TEAD2: variants seen among roughly 807,000 people sequenced by gnomAD.
The protein encoded by TEAD2 is TEA domain transcription factor 2.
A neutral mutation model predicts 61.4 loss-of-function variants in TEAD2; 51 were observed. That is an observed-to-expected ratio of 0.83 (90% CI 0.66 to 1.05). The LOEUF (loss-of-function observed/expected upper bound fraction) is 1.05, where lower values mean the gene tolerates loss of function less well. Ranked by LOEUF, TEAD2 falls within the 50% of genes least tolerant of loss-of-function variation. TEAD2 has a pLI of 0.00. For missense variants in TEAD2, 509 were observed against 600.0 expected (o/e 0.85, Z 1.58); for synonymous variants, 244 against 243.2 (o/e 1.00, Z -0.03).
rs747825800 is a variant in TEAD2 at position 49,343,407 on chromosome 19, T to C, written c.922-9A>G. On this transcript the variant is annotated splice_polypyrimidine_tract_variant and intron_variant, in intron 10 of 12. Transcript: ENST00000593945. ...CCCCAGTTCAGGTCCGCCTGGGAGATGGGAAGGCACAGATGAGTCAGAGGG... is the reference window on the plus strand; with the variant it reads ...CCCCAGTTCAGGTCCGCCTGGGAGACGGGAAGGCACAGATGAGTCAGAGGG... The C allele has an allele frequency of 3.8e-6, 6 of 1,599,722 alleles. No homozygotes were observed. The East Asian group carries it at 1.1e-4, about 30-fold the overall frequency.
chr19:49,358,714 C>T (rs551924782), intron 3 of TEAD2, among the ~76,000 whole-genome samples: 1 of 150,984 alleles, frequency 6.6e-6, no homozygotes, highest in South Asian at 2.1e-4. Flanking sequence ...CTCACTGCAA[C>T]CTCCGCCTCC....
At chr19:49,358,334 G>A (rs1398940667) in intron 3 of TEAD2, among the ~76,000 whole-genome samples, 1 of 152,230 alleles carries the variant, frequency 6.6e-6, no homozygotes, top group African/African-American at 2.4e-5. Flanking sequence ...AGAATCGCTT[G>A]AACCCGGAAG....
chr19:49,344,374 G>A (rs1383805810), intron 10 of TEAD2, among the ~76,000 whole-genome samples: 5 of 151,756 alleles, frequency 3.3e-5, no homozygotes, highest in Admixed American at 6.6e-5. Flanking sequence ...TCTGCCTCCC[G>A]GGTTCAAGCG....
intron 7 of TEAD2, among the ~76,000 whole-genome samples, chr19:49,353,129 C>T (rs941847804): frequency 6.6e-6 from 1 of 151,408 alleles, no homozygotes; most frequent in East Asian, 1.9e-4. Context: ...GATAGAGTCT[C>T]GCTCTGTTGC....
chr19:49,344,929 C>T (rs1045113147), intron 10 of TEAD2, among the ~76,000 whole-genome samples: 5 of 152,194 alleles, frequency 3.3e-5, no homozygotes, highest in African/African-American at 1.2e-4. Flanking sequence ...GTCTGAGTCA[C>T]CTCCTTGCGA....
At chr19:49,360,117 A>C in intron 1 of TEAD2, 36 bp from the exon 2 acceptor site, 12 of 1,516,870 alleles carry the variant, frequency 7.9e-6, no homozygotes, top group Non-Finnish European at 9.9e-6. Flanking sequence ...CTTCCCCCAA[A>C]CCCCACCCTC....
At chr19:49,355,465 A>C in intron 5 of TEAD2, 46 bp from the exon 6 acceptor site, 1 of 1,526,622 alleles carries the variant, frequency 6.6e-7, no homozygotes, top group Non-Finnish European at 9.1e-7. Context: ...ATCTCAGTCA[A>C]CATGGCAAGA....
In TEAD2 at chr19:49,359,769, A is replaced by G. The variant is rs112575686; in HGVS notation, c.232+75T>C. 6.9e-7 allele frequency: 1 copy of G among 1,451,602 alleles called. No homozygotes were observed. The highest frequency in any genetic ancestry group is 1.2e-5 in the South Asian group (1 of 82,898). The allele number at this position is 1,451,602 out of a possible 1,614,324, so 89.9% of individuals were successfully genotyped here. The stretch of plus-strand genomic sequence containing the variant: ...AAATGGTGATGCTAGCTCCTACTTC[A>G]GAGTGCTCCATAAACCTTGGTTACT... On this transcript the variant is annotated intron_variant, in intron 2 of 12. Coordinates refer to ENST00000593945, the MANE Select transcript of TEAD2 (RefSeq NM_001256660.2). This position sits in a 1 kb window ranked among gnomAD's most constrained non-coding sequence, Gnocchi z 4.1.
chr19:49,342,320 C>T, intron 12 of TEAD2, 118 bp downstream of exon 12: 1 of 1,371,074 alleles, frequency 7.3e-7, no homozygotes, highest in Non-Finnish European at 1.0e-6. Flanking sequence ...TGAGGGCTCA[C>T]TTTGGAGTCC....
rs896697524 is a variant in TEAD2, at chr19:49,359,064, C to A, written c.297+371G>T. Among the ~76,000 whole-genome samples, 2 of 151,918 alleles carry A rather than the reference C, an allele frequency of 1.3e-5. No individual in the cohort carries two copies. Among genetic ancestry groups the A allele is most frequent in the Non-Finnish European group, 2.9e-5 (2 of 68,006 alleles). On this transcript the variant is annotated intron_variant, in intron 3 of 12. Coordinates refer to ENST00000593945, the MANE Select transcript of TEAD2 (RefSeq NM_001256660.2). The surrounding 1 kb of genome is among the most constrained non-coding windows in gnomAD (Gnocchi z 4.1). ...GACCAGCCTGGACAACATGGTGAAA[C>A]CCCATCTCTACTAAAAATACAAAAT...
rs746559026 is a variant in TEAD2 at position 49,360,050 on chromosome 19, G to A, written c.26C>T (p.Ala9Val). The change falls in exon 2 of 13, where the codon GCC (alanine) becomes GTC (valine). Residue 9 changes from alanine (A) to valine (V), a missense_variant. Physicochemically the swap from Ala to Val is moderately conservative, Grantham distance 64. Coordinates refer to ENST00000593945, the MANE Select transcript of TEAD2 (RefSeq NM_001256660.2). MGEPRAGA[A>V]LDDGSGWTGS... ...CGTCCAGCCGCTGCCATCGTCCAGG[G>A]CGGCCCCAGCCCGGGGTTCCCCCAT... is the stretch of plus-strand genomic sequence containing the variant. The A allele has an allele frequency of 3.1e-5, 50 of 1,607,088 alleles. No individual in the cohort carries two copies. The Admixed American group carries it at 6.3e-4, about 20-fold the overall frequency.
chr19:49,361,502 C>G (rs889424641), intron 1 of TEAD2: 1 of 152,432 alleles, frequency 6.6e-6, no homozygotes, highest in African/African-American at 2.4e-5. Context: ...ATCAGAAGAG[C>G]CAGAACAAAG....
intron 1 of TEAD2, chr19:49,361,641 A>T (rs1680774722): frequency 6.6e-6 from 1 of 152,154 alleles, no homozygotes; most frequent in African/African-American, 2.4e-5. Context: ...CTCTGATCCA[A>T]CTCAAGTTCC....
At chr19:49,357,200 C>A in intron 4 of TEAD2, 52 bp downstream of exon 4, 1 of 1,538,976 alleles carries the variant, frequency 6.5e-7, no homozygotes, top group South Asian at 1.1e-5. Flanking sequence ...GGGTCTCGGT[C>A]CCCCACCCCC....
Position 49,341,388 on chromosome 19 carries a change from A to G in TEAD2, c.1292T>C (p.Val431Ala). ...ACGCTCGCTGGTGGAGACCTCGAAG[A>G]CATAGGCGGTGCAGAGCAGCAGTTC... ...TQELLLCTAY[V>A]FEVSTSERGA... is the part of the protein sequence containing the mutation. Residue 431 changes from valine (V) to alanine (A), a missense_variant, in exon 13 of 13, where the codon GTC becomes GCC. Coordinates refer to ENST00000593945, the MANE Select transcript of TEAD2 (RefSeq NM_001256660.2). The surrounding 1 kb of genome is among the most constrained non-coding windows in gnomAD (Gnocchi z 4.2). The G allele has an allele frequency of 1.9e-6, 3 of 1,614,084 alleles. No homozygotes were observed. Among genetic ancestry groups the G allele is most frequent in the Non-Finnish European group, 2.5e-6 (3 of 1,179,984 alleles).
In TEAD2 at chr19:49,340,746, A is replaced by C; in HGVS notation, c.*578T>G. The stretch of plus-strand genomic sequence containing the variant: ...CTTGTGCAGCGGAGATAAAGTCAAG[A>C]CCCTAGCACCCACTTATAAATATCT... On this transcript the variant is annotated 3_prime_UTR_variant, in exon 13 of 13. Coordinates refer to ENST00000593945, the MANE Select transcript of TEAD2 (RefSeq NM_001256660.2). 7.6e-6 allele frequency: 2 copies of C among 262,646 alleles called. No individual in the cohort carries two copies. The highest frequency in any genetic ancestry group is 1.5e-5 in the Non-Finnish European group (2 of 136,284). 16.3% of individuals were successfully genotyped at this position (262,646 alleles called of 1,614,324 possible). A position where few individuals can be genotyped will look rare whatever the true frequency, so the allele number is the denominator to read the frequency against.
chr19:49,346,341 C>T (rs1971639734), intron 10 of TEAD2, among the ~76,000 whole-genome samples: 1 of 151,954 alleles, frequency 6.6e-6, no homozygotes, highest in Non-Finnish European at 1.5e-5. Context: ...ATAGGAAGTG[C>T]TCAATAAATG....
intron 4 of TEAD2, among the ~76,000 whole-genome samples, chr19:49,356,820 C>T (rs559653554): frequency 6.6e-6 from 1 of 152,120 alleles, no homozygotes; most frequent in Non-Finnish European, 1.5e-5. Context: ...AGGGTCTCAG[C>T]AACCGCACCA....
At chr19:49,353,862 C>T (rs1333986309) in intron 7 of TEAD2, among the ~76,000 whole-genome samples, 3 of 151,662 alleles carry the variant, frequency 2.0e-5, no homozygotes, top group Admixed American at 1.3e-4. Context: ...CTCAATGCAA[C>T]CTCTGCCTCC....
Sources: allele counts gnomAD v4.1 joint callset (sites outside exome capture counted in the v4.1 genomes callset), GRCh38; gene constraint gnomAD v4.1.1; non-coding constraint Gnocchi (gnomAD v3.1); transcripts MANE v1.5; gene names NCBI Gene and HGNC (gene_info 2026-07-23, HGNC 2026-07-21).